RORA: variants seen among roughly 807,000 people sequenced by gnomAD.
RORA encodes the protein RAR related orphan receptor A.
RORA carries 7 observed loss-of-function variants against 69.5 expected under a neutral mutation model. The ratio of observed to expected loss-of-function variants is 0.10; its 90% CI spans 0.06 to 0.19. The LOEUF is 0.19. RORA is among the 10% of genes least tolerant of loss of function. RORA has a pLI of 1.00. For missense variants in RORA, 457 were observed against 663.0 expected (o/e 0.69, Z 3.41); for synonymous variants, 261 against 240.8 (o/e 1.08, Z -0.78).
intron 1 of RORA, among the ~76,000 whole-genome samples, chr15:60,864,791 G>T (rs2073469523): frequency 6.6e-6 from 1 of 152,180 alleles, no homozygotes; most frequent in African/African-American, 2.4e-5. Flanking sequence ...AAGAGGGTGG[G>T]CATCTCAGTG....
At chr15:60,735,298 C>T (rs2071482369) in intron 1 of RORA, among the ~76,000 whole-genome samples, 1 of 152,222 alleles carries the variant, frequency 6.6e-6, no homozygotes, top group Admixed American at 6.5e-5. Context: ...TGACCCCTAA[C>T]TAAACATAGC....
intron 1 of RORA, among the ~76,000 whole-genome samples, chr15:61,104,275 C>T (rs1176858152): frequency 6.6e-6 from 1 of 152,198 alleles, no homozygotes; most frequent in Non-Finnish European, 1.5e-5. Context: ...AACAAACGCA[C>T]CTAGGTTATT....
chr15:61,124,296 G>A (rs967092768), intron 1 of RORA, among the ~76,000 whole-genome samples: 1 of 152,170 alleles, frequency 6.6e-6, no homozygotes, highest in African/African-American at 2.4e-5. Flanking sequence ...AATAATTCAT[G>A]CTGGTAGGTT....
intron 1 of RORA, among the ~76,000 whole-genome samples, chr15:60,889,647 C>T (rs752859647): frequency 1.5e-4 from 23 of 152,254 alleles, no homozygotes; most frequent in African/African-American, 4.3e-4. Context: ...GAGGCACCAA[C>T]GCCCCTGGAA....
chr15:60,571,862 C>T (rs555487566), intron 2 of RORA, among the ~76,000 whole-genome samples: 2 of 152,198 alleles, frequency 1.3e-5, no homozygotes, highest in African/African-American at 4.8e-5. Context: ...TAGGCCAACA[C>T]ATAAATTGAC....
intron 1 of RORA, among the ~76,000 whole-genome samples, chr15:60,775,444 C>T (rs964246691): frequency 6.6e-6 from 1 of 152,246 alleles, no homozygotes; most frequent in South Asian, 2.1e-4. Context: ...GGAGACACTA[C>T]AATTAACACG....
chr15:60,921,963 C>A (rs529794793), intron 1 of RORA, among the ~76,000 whole-genome samples: 1 of 152,066 alleles, frequency 6.6e-6, no homozygotes, highest in Non-Finnish European at 1.5e-5. Context: ...CTATAACAGA[C>A]CCCCATGGAC....
intron 1 of RORA, among the ~76,000 whole-genome samples, chr15:61,203,086 T>G (rs1025772417): frequency 1.3e-5 from 2 of 152,192 alleles, no homozygotes; most frequent in African/African-American, 4.8e-5. Context: ...AGTCTGAATA[T>G]TTTTAAGAAG....
chr15:60,775,779 A>T (rs888102201), intron 1 of RORA, among the ~76,000 whole-genome samples: 2 of 152,234 alleles, frequency 1.3e-5, no homozygotes, highest in Non-Finnish European at 2.9e-5. Context: ...ACATGGAAAG[A>T]TGAATATGCT....
chr15:60,589,208 TAGAA>T (rs2068425390), intron 2 of RORA, among the ~76,000 whole-genome samples: 1 of 152,212 alleles, frequency 6.6e-6, no homozygotes, highest in Non-Finnish European at 1.5e-5. Flanking sequence ...TTTCATTTCG[TAGAA>T]AGAAAGGCCA....
chr15:61,127,329 T>G (rs1003496090), intron 1 of RORA, among the ~76,000 whole-genome samples: 3 of 152,200 alleles, frequency 2.0e-5, no homozygotes, highest in African/African-American at 7.2e-5. Flanking sequence ...ATCTTCCTCA[T>G]GCAGACTATT....
chr15:60,657,844 G>T (rs79642593), intron 2 of RORA, among the ~76,000 whole-genome samples: 2,517 of 152,246 alleles, frequency 0.017, 86 homozygotes, highest in African/African-American at 0.058. Flanking sequence ...TGCTCTCTCG[G>T]TTCCTCCTTC....
chr15:60,846,750 A>C (rs2073270554), intron 1 of RORA, among the ~76,000 whole-genome samples: 1 of 152,238 alleles, frequency 6.6e-6, no homozygotes, highest in Non-Finnish European at 1.5e-5. Flanking sequence ...CCATCTCCTA[A>C]AAGCTGAGTA....
intron 1 of RORA, among the ~76,000 whole-genome samples, chr15:60,854,784 T>C (rs925141766): frequency 4.6e-5 from 7 of 152,232 alleles, no homozygotes; most frequent in African/African-American, 1.7e-4. Flanking sequence ...ACTTAGGTAA[T>C]AAAGTATTTG....
intron 1 of RORA, among the ~76,000 whole-genome samples, chr15:60,874,163 C>T (rs2073588800): frequency 6.6e-6 from 1 of 152,050 alleles, no homozygotes; most frequent in Admixed American, 6.5e-5. Flanking sequence ...AAAATTTATA[C>T]ATTTGAACAT....
intron 1 of RORA, among the ~76,000 whole-genome samples, chr15:60,772,604 C>T (rs973300596): frequency 6.6e-6 from 1 of 152,142 alleles, no homozygotes; most frequent in African/African-American, 2.4e-5. Context: ...GCTTTCAAAA[C>T]GTGATAAGTA....
intron 1 of RORA, among the ~76,000 whole-genome samples, chr15:60,836,232 G>C (rs1430001739): frequency 6.6e-6 from 1 of 152,186 alleles, no homozygotes; most frequent in Non-Finnish European, 1.5e-5. Flanking sequence ...CTATGATGTG[G>C]CTTGAAACAT....
At chr15:61,198,964 A>G (rs1826907466) in intron 1 of RORA, among the ~76,000 whole-genome samples, 1 of 152,046 alleles carries the variant, frequency 6.6e-6, no homozygotes, top group African/African-American at 2.4e-5. Context: ...CCCTCCTAGG[A>G]GCAGGAAGGC....
At chr15:61,224,385 G>T (rs2080127233) in intron 1 of RORA, among the ~76,000 whole-genome samples, 1 of 152,202 alleles carries the variant, frequency 6.6e-6, no homozygotes, top group Non-Finnish European at 1.5e-5. Context: ...TCTTTCCCCA[G>T]ATACCTGGGA....
Sources: gnomAD v4.1 joint callset for allele counts (sites outside exome capture counted in the v4.1 genomes callset) on GRCh38, gnomAD v4.1.1 for gene constraint, MANE v1.5 for transcripts, NCBI Gene and HGNC (gene_info 2026-07-23, HGNC 2026-07-21) for gene names.